RHBDL3: variants seen among roughly 807,000 people sequenced by gnomAD.
RHBDL3 encodes rhomboid-related protein 3.
In RHBDL3, 28 loss-of-function variants were observed where a neutral mutation model predicts 48.2. The observed-to-expected ratio is 0.58, with a 90% CI of 0.43 to 0.80. The LOEUF (loss-of-function observed/expected upper bound fraction) is 0.80, where lower values mean the gene tolerates loss of function less well. Ranked by LOEUF, RHBDL3 falls within the 30% of genes least tolerant of loss-of-function variation. The pLI, the probability that RHBDL3 is intolerant of heterozygous loss-of-function variation, is 0.00. For missense variants in RHBDL3, 464 were observed against 542.7 expected, an observed-to-expected ratio of 0.85 and a Z score of 1.44; for synonymous variants, 208 against 232.3, an observed-to-expected ratio of 0.90 and a Z score of 0.95.
intron 5 of RHBDL3, among the ~76,000 whole-genome samples, chr17:32,296,887 C>G (rs564973892): frequency 5.3e-4 from 81 of 151,772 alleles, no homozygotes; most frequent in Middle Eastern, 6.8e-3. Flanking sequence ...GATCTCGGCT[C>G]ACTGCAACCT....
intron 2 of RHBDL3, among the ~76,000 whole-genome samples, chr17:32,278,553 G>A (rs2039967231): frequency 1.3e-5 from 2 of 152,350 alleles, no homozygotes; most frequent in South Asian, 4.1e-4. Context: ...GGACACATAA[G>A]AGGATTGGAT....
chr17:32,307,391 G>C (rs1000452179), intron 7 of RHBDL3, among the ~76,000 whole-genome samples: 1 of 152,192 alleles, frequency 6.6e-6, no homozygotes, highest in Non-Finnish European at 1.5e-5. Flanking sequence ...AGTGCACAGG[G>C]CTTGGCGTTC....
intron 3 of RHBDL3, chr17:32,288,154 C>G (rs1200462236): frequency 6.6e-6 from 1 of 152,320 alleles, no homozygotes; most frequent in African/African-American, 2.4e-5. Context: ...GGCTGCCTGC[C>G]TCTTCCCAAG....
chr17:32,291,705 T>C (rs1290393312), intron 4 of RHBDL3, among the ~76,000 whole-genome samples: 1 of 151,416 alleles, frequency 6.6e-6, no homozygotes, highest in East Asian at 1.9e-4. Flanking sequence ...ACAAAAAATG[T>C]CATCTTCCTG....
At chr17:32,304,486 G>T (rs530488569) in intron 6 of RHBDL3, among the ~76,000 whole-genome samples, 1 of 152,150 alleles carries the variant, frequency 6.6e-6, no homozygotes, top group African/African-American at 2.4e-5. Flanking sequence ...TCCTGGTTCC[G>T]GCACTTCCTA....
chr17:32,319,900 G>A (rs1449217135), intron 8 of RHBDL3, among the ~76,000 whole-genome samples: 2 of 152,230 alleles, frequency 1.3e-5, no homozygotes, highest in East Asian at 1.9e-4. Flanking sequence ...GTTTCCTAGC[G>A]CCCATCCCCA....
intron 6 of RHBDL3, among the ~76,000 whole-genome samples, chr17:32,304,658 A>C (rs895058628): frequency 2.0e-5 from 3 of 152,174 alleles, no homozygotes; most frequent in African/African-American, 7.2e-5. Context: ...TACTGCTACT[A>C]TTTTTGTTAT....
intron 7 of RHBDL3, among the ~76,000 whole-genome samples, chr17:32,307,398 G>A (rs553456240): frequency 3.3e-5 from 5 of 152,302 alleles, no homozygotes; most frequent in South Asian, 2.1e-4. Flanking sequence ...AGGGCTTGGC[G>A]TTCCTGAATT....
At chr17:32,315,173 AAAG>A (rs1377798567) in intron 7 of RHBDL3, among the ~76,000 whole-genome samples, 6 of 152,350 alleles carry the variant, frequency 3.9e-5, no homozygotes, top group Admixed American at 3.3e-4. Flanking sequence ...CTGCAACCTC[AAAG>A]AAGTGCCACA....
intron 2 of RHBDL3, 98 bp from the exon 3 acceptor site, chr17:32,284,561 C>T: frequency 1.6e-6 from 2 of 1,220,348 alleles, no homozygotes; most frequent in Non-Finnish European, 2.3e-6. Flanking sequence ...GGGCTGGGGA[C>T]TAAAGCCAGT....
intron 8 of RHBDL3, among the ~76,000 whole-genome samples, chr17:32,318,335 A>G (rs61690452): frequency 0.5 from 70,537 of 140,402 alleles, 18,989 homozygotes; most frequent in Non-Finnish European, 0.6. Flanking sequence ...TAAAAAAAAA[A>G]AAAAGAAAAG....
At chr17:32,279,274 A>G (rs1004003305) in intron 2 of RHBDL3, among the ~76,000 whole-genome samples, 2 of 152,262 alleles carry the variant, frequency 1.3e-5, no homozygotes, top group South Asian at 2.1e-4. Context: ...ATCAGCCCTT[A>G]TCGTGTTGCT....
chr17:32,266,417 G>A (rs1393924044), intron 1 of RHBDL3, 117 bp downstream of exon 1: 3 of 484,242 alleles, frequency 6.2e-6, no homozygotes, highest in African/African-American at 4.1e-5. Flanking sequence ...GGAGCGCCCC[G>A]GATTGGCCGG....
At chr17:32,269,463 G>T (rs2039716551) in intron 2 of RHBDL3, among the ~76,000 whole-genome samples, 1 of 152,262 alleles carries the variant, frequency 6.6e-6, no homozygotes, top group Non-Finnish European at 1.5e-5. Context: ...CGGAGTGGGC[G>T]TGATGACACG....
intron 3 of RHBDL3, 49 bp from the exon 4 acceptor site, chr17:32,288,743 T>G: frequency 7.0e-7 from 1 of 1,435,778 alleles, no homozygotes; most frequent in South Asian, 1.2e-5. Context: ...GGTGGGGAGC[T>G]CCGCTGGGCC....
intron 7 of RHBDL3, among the ~76,000 whole-genome samples, chr17:32,308,069 C>G (rs1452467540): frequency 6.6e-6 from 1 of 152,188 alleles, no homozygotes; most frequent in African/African-American, 2.4e-5. Context: ...TGAAGGCAGA[C>G]CACTGAAGGA....
At chr17:32,284,862 G>T in intron 3 of RHBDL3, 45 bp downstream of exon 3, 1 of 1,542,542 alleles carries the variant, frequency 6.5e-7, no homozygotes, top group South Asian at 1.1e-5. Flanking sequence ...CCTGTTTGAG[G>T]GTTATGGCTT....
At position 32,323,178 on chromosome 17, in the gene RHBDL3, C is replaced by T. The variant is rs2041180065; in HGVS notation, c.*1949C>T. On this transcript the variant is annotated 3_prime_UTR_variant, in exon 9 of 9. Coordinates refer to ENST00000269051, the MANE Select transcript of RHBDL3 (RefSeq NM_138328.3). Reference sequence around the variant, plus strand: ...CATATGTAGTTCCCTAGGTCCTGCTCCCCTGCACCAGTGCCATGCTGAGGG... The same window carrying T: ...CATATGTAGTTCCCTAGGTCCTGCTTCCCTGCACCAGTGCCATGCTGAGGG... The T allele has an allele frequency of 6.6e-6, 1 of 152,546 alleles. No homozygotes were observed. The highest frequency in any genetic ancestry group is 2.1e-4 in the South Asian group (1 of 4,836). The allele number at this position is 152,546 out of a possible 1,614,324, so 9.4% of individuals were successfully genotyped here. A position where few individuals can be genotyped will look rare whatever the true frequency, so the allele number is the denominator to read the frequency against.
intron 6 of RHBDL3, among the ~76,000 whole-genome samples, chr17:32,299,019 G>T (rs997466056): frequency 1.3e-5 from 2 of 151,140 alleles, no homozygotes; most frequent in East Asian, 1.9e-4. Flanking sequence ...GATCTCCCTC[G>T]TGATGTCTCC....
Sources: allele counts gnomAD v4.1 joint callset (sites outside exome capture counted in the v4.1 genomes callset), GRCh38; gene constraint gnomAD v4.1.1; transcripts MANE v1.5; gene names NCBI Gene and HGNC (gene_info 2026-07-23, HGNC 2026-07-21).